Variants in CDH20 observed in about 807,000 individuals in gnomAD.
The protein encoded by CDH20 is cadherin 20.
A neutral mutation model predicts 74.2 loss-of-function variants in CDH20; 29 were observed. The ratio of observed to expected loss-of-function variants is 0.39; its 90% confidence interval spans 0.29 to 0.53. The LOEUF is 0.53. Among genes scored for constraint, CDH20 ranks in the 20% least tolerant of loss-of-function variants. CDH20 has a pLI of 0.69. For synonymous variants in CDH20, 469 were observed against 405.4 expected (o/e 1.16, Z -1.88); for missense variants, 988 against 1,048.3 (o/e 0.94, Z 0.79).
At chr18:61,450,003 AG>A (rs1354479971) in intron 1 of CDH20, among the ~76,000 whole-genome samples, 3 of 152,048 alleles carry the variant, frequency 2.0e-5, no homozygotes, top group African/African-American at 7.2e-5. Context: ...AATACTTACT[AG>A]GTATCAATAT....
intron 1 of CDH20, among the ~76,000 whole-genome samples, chr18:61,345,655 T>C (rs1405301233): frequency 1.3e-5 from 2 of 152,176 alleles, no homozygotes; most frequent in African/African-American, 4.8e-5. Context: ...TTTTACATTA[T>C]TTCTTAGGGG....
Position 61,462,749 on chromosome 18 carries a change from T to C in CDH20, c.-152-27653T>C, listed in dbSNP as rs572676660. Among the ~76,000 whole-genome samples, 4 of 148,002 alleles carry C rather than the reference T, an allele frequency of 2.7e-5. No homozygotes were observed. The East Asian group carries it at 6.0e-4, about 22-fold the overall frequency. The stretch of plus-strand genomic sequence containing the variant: ...AGGGGGGGGGGGCATCTAGGGCATG[T>C]CAATGGTGGCAGCACCAATAATAAG... On this transcript the variant is annotated intron_variant, in intron 1 of 11. Coordinates refer to ENST00000262717, the MANE Select transcript of CDH20 (RefSeq NM_031891.4).
At chr18:61,503,152 C>G in intron 5 of CDH20, 32 bp downstream of exon 5, 2 of 1,525,234 alleles carry the variant, frequency 1.3e-6, no homozygotes, top group Non-Finnish European at 1.8e-6. Flanking sequence ...GCACAGACCT[C>G]GGGCCCAGAG....
chr18:61,492,323 C>T (rs1043257205), intron 2 of CDH20, among the ~76,000 whole-genome samples: 3 of 152,130 alleles, frequency 2.0e-5, no homozygotes, highest in Non-Finnish European at 4.4e-5. Flanking sequence ...CTTATCCCTG[C>T]TTCCACCATC....
Position 61,421,010 on chromosome 18 carries a change from C to T in CDH20, c.-152-69392C>T, listed in dbSNP as rs191683691. 3.9e-3 allele frequency among the ~76,000 whole-genome samples: 598 copies of T among 152,254 alleles called. 5 individuals are homozygous for T. The highest frequency in any genetic ancestry group is 0.014 in the African/African-American group (568 of 41,542). ...AGGTTGCAGGGAGCTGAGATTGCAC[C>T]ACTGCACTCCAGTCTGGGTGACAGA... On this transcript the variant is annotated intron_variant, in intron 1 of 11. Coordinates refer to ENST00000262717, the MANE Select transcript of CDH20 (RefSeq NM_031891.4).
At chr18:61,464,114 TA>T (rs914037729) in intron 1 of CDH20, among the ~76,000 whole-genome samples, 1 of 152,204 alleles carries the variant, frequency 6.6e-6, no homozygotes, top group African/African-American at 2.4e-5. Flanking sequence ...ATTATTACTA[TA>T]TAGCACAGTA....
chr18:61,415,400 A>G (rs1200721903), intron 1 of CDH20, among the ~76,000 whole-genome samples: 1 of 152,228 alleles, frequency 6.6e-6, no homozygotes, highest in Admixed American at 6.5e-5. Flanking sequence ...CAGGCATTGT[A>G]AAGGATGAAA....
chr18:61,384,975 G>A (rs1208173630), intron 1 of CDH20, among the ~76,000 whole-genome samples: 1 of 152,094 alleles, frequency 6.6e-6, no homozygotes, highest in East Asian at 1.9e-4. Context: ...CCTAAGCTAA[G>A]GGGTTTAGAT....
At chr18:61,474,296 A>T (rs1030372763) in intron 1 of CDH20, among the ~76,000 whole-genome samples, 7 of 152,180 alleles carry the variant, frequency 4.6e-5, no homozygotes, top group South Asian at 2.1e-4. Flanking sequence ...TCCTAAAGAG[A>T]TGCTCATCTT....
chr18:61,458,434 T>A (rs1306447671), intron 1 of CDH20, among the ~76,000 whole-genome samples: 2 of 152,198 alleles, frequency 1.3e-5, no homozygotes, highest in African/African-American at 4.8e-5. Flanking sequence ...AAAAGGCATC[T>A]TGGAAAATAT....
At chr18:61,367,748 A>G (rs527665074) in intron 1 of CDH20, among the ~76,000 whole-genome samples, 1 of 152,256 alleles carries the variant, frequency 6.6e-6, no homozygotes, top group South Asian at 2.1e-4. Flanking sequence ...TAAACAACAG[A>G]AATATATTGT....
chr18:61,432,070 C>G (rs1913273555), intron 1 of CDH20, among the ~76,000 whole-genome samples: 1 of 151,748 alleles, frequency 6.6e-6, no homozygotes, highest in African/African-American at 2.4e-5. Context: ...CATGGTGAAA[C>G]CCCATCTCTA....
intron 1 of CDH20, among the ~76,000 whole-genome samples, chr18:61,347,321 C>CATATATATATATATAT (rs1286257844): frequency 3.8e-5 from 1 of 26,436 alleles, no homozygotes; most frequent in African/African-American, 1.0e-4. Flanking sequence ...TATATATATA[C>CATATATATATATATAT]ACACACACAC....
chr18:61,545,278 AT>A (rs5825448), intron 10 of CDH20, 134 bp downstream of exon 10: 284,467 of 482,696 alleles, frequency 0.59, 50,924 homozygotes, highest in Admixed American at 0.67. Flanking sequence ...AATTCAGTGT[AT>A]TTTTTTTTTT....
intron 6 of CDH20, among the ~76,000 whole-genome samples, chr18:61,524,988 C>A (rs1912340135): frequency 6.6e-6 from 1 of 151,680 alleles, no homozygotes; most frequent in African/African-American, 2.4e-5. Flanking sequence ...GTGAAAGAAC[C>A]CTAACTCAAA....
At chr18:61,553,361 A>G (rs144296483) in intron 11 of CDH20, among the ~76,000 whole-genome samples, 2,046 of 152,276 alleles carry the variant, frequency 0.013, 25 homozygotes, top group Non-Finnish European at 0.022. Flanking sequence ...GATTATCTCT[A>G]TCTCTCCTTT....
At chr18:61,530,840 T>C (rs1222626420) in intron 7 of CDH20, among the ~76,000 whole-genome samples, 1 of 152,154 alleles carries the variant, frequency 6.6e-6, no homozygotes, top group Non-Finnish European at 1.5e-5. Context: ...TGTGTGGATT[T>C]AACCAGCCTG....
chr18:61,400,915 A>AT (rs1220248265), intron 1 of CDH20, among the ~76,000 whole-genome samples: 46 of 152,322 alleles, frequency 3.0e-4, no homozygotes, highest in African/African-American at 1.1e-3. Flanking sequence ...GGCCTGACTC[A>AT]TAATAAGTAT....
chr18:61,468,206 G>A (rs531546425), intron 1 of CDH20, among the ~76,000 whole-genome samples: 8 of 152,286 alleles, frequency 5.3e-5, no homozygotes, highest in East Asian at 1.9e-4. Flanking sequence ...AATCACCAGC[G>A]TCAAAATGAA....
Sources: gnomAD v4.1 joint callset for allele counts (sites outside exome capture counted in the v4.1 genomes callset) on GRCh38, gnomAD v4.1.1 for gene constraint, MANE v1.5 for transcripts, NCBI Gene and HGNC (gene_info 2026-07-23, HGNC 2026-07-21) for gene names.